Variants in ALK observed in about 807,000 individuals in gnomAD.
The protein encoded by ALK is ALK tyrosine kinase receptor.
Under a neutral mutation model 163.1 loss-of-function variants are expected in ALK, and 74 were observed. The observed-to-expected ratio is 0.45, with a 90% CI of 0.38 to 0.55. The LOEUF (loss-of-function observed/expected upper bound fraction) is 0.55. Ranked by LOEUF, ALK falls within the 20% of genes least tolerant of loss-of-function variation. ALK has a pLI of 0.00. For missense variants in ALK, 2,063 were observed against 2,105.3 expected (o/e 0.98, Z 0.39); for synonymous variants, 960 against 843.2 (o/e 1.14, Z -2.40).
intron 1 of ALK, among the ~76,000 whole-genome samples, chr2:29,869,699 A>T (rs1457887864): frequency 6.6e-6 from 1 of 152,222 alleles, no homozygotes; most frequent in Admixed American, 6.5e-5. Context: ...AGGCTTTCCA[A>T]ATATAAAAGC....
intron 11 of ALK, among the ~76,000 whole-genome samples, chr2:29,267,320 G>A (rs1017025916): frequency 1.3e-5 from 2 of 152,172 alleles, no homozygotes; most frequent in African/African-American, 2.4e-5. Context: ...GCAACCTTAC[G>A]AGAGACTATG....
chr2:29,421,699 G>A (rs576340538), intron 4 of ALK, among the ~76,000 whole-genome samples: 54 of 151,572 alleles, frequency 3.6e-4, no homozygotes, highest in Admixed American at 1.2e-3. Context: ...GCCTGTCTGC[G>A]TCCTGTATCT....
At chr2:29,440,715 C>G (rs1670520120) in intron 4 of ALK, among the ~76,000 whole-genome samples, 1 of 152,196 alleles carries the variant, frequency 6.6e-6, no homozygotes, top group Admixed American at 6.5e-5. Flanking sequence ...GGGCATGAAC[C>G]CTTGACAAGT....
chr2:29,920,731 A>G lies in ALK; in HGVS notation c.-72T>C. The G allele has an allele frequency of 1.5e-6, 2 of 1,379,230 alleles. No homozygotes were observed. The highest frequency in any genetic ancestry group is 2.5e-5 in the South Asian group (2 of 79,940). 85.4% of individuals were successfully genotyped at this position (1,379,230 alleles called of 1,614,324 possible). A position where few individuals can be genotyped will look rare whatever the true frequency, so the allele number is the denominator to read the frequency against. ...CCTTCGCTCTCCCCGAGATGGGAAG[A>G]GGCTCTGAACAGTCCTTGGTACCCA... On this transcript the variant is annotated 5_prime_UTR_variant, in exon 1 of 29. Coordinates refer to ENST00000389048, the MANE Select transcript of ALK (RefSeq NM_004304.5).
chr2:29,769,706 G>A (rs997363775), intron 1 of ALK, among the ~76,000 whole-genome samples: 5 of 152,144 alleles, frequency 3.3e-5, no homozygotes, highest in African/African-American at 7.2e-5. Context: ...TACAATGAAC[G>A]ATAACACAAA....
chr2:29,849,745 G>A (rs562858154), intron 1 of ALK, among the ~76,000 whole-genome samples: 2 of 152,200 alleles, frequency 1.3e-5, no homozygotes, highest in African/African-American at 2.4e-5. Flanking sequence ...TGGTTGCAGT[G>A]GTGTCCCTTA....
chr2:29,334,497 C>T (rs1667550340), intron 5 of ALK, among the ~76,000 whole-genome samples: 1 of 152,156 alleles, frequency 6.6e-6, no homozygotes. Flanking sequence ...TATGCGGCCT[C>T]CAAGGAGTGG....
chr2:29,328,599 C>T, intron 5 of ALK, 118 bp from the exon 6 acceptor site: 1 of 1,368,396 alleles, frequency 7.3e-7, no homozygotes, highest in Non-Finnish European at 1.0e-6. Context: ...CCCTGCCATT[C>T]ACACTCCAAG....
chr2:29,670,946 C>T (rs1266663205), intron 3 of ALK, among the ~76,000 whole-genome samples: 1 of 151,976 alleles, frequency 6.6e-6, no homozygotes, highest in African/African-American at 2.4e-5. Flanking sequence ...CTTTAAAATG[C>T]TATTTTTAAT....
At chr2:29,765,833 G>A (rs913091823) in intron 1 of ALK, among the ~76,000 whole-genome samples, 2 of 151,916 alleles carry the variant, frequency 1.3e-5, no homozygotes, top group Non-Finnish European at 2.9e-5. Flanking sequence ...GTAGTATTTG[G>A]CAATTTCCAT....
chr2:29,544,314 G>A (rs140230485), intron 3 of ALK, among the ~76,000 whole-genome samples: 17 of 152,288 alleles, frequency 1.1e-4, no homozygotes, highest in South Asian at 4.1e-4. Flanking sequence ...CTCTGTGGGC[G>A]AATGAGTCTG....
chr2:29,232,495 C>A, intron 14 of ALK, 47 bp from the exon 15 acceptor site: 1 of 1,612,250 alleles, frequency 6.2e-7, no homozygotes, highest in Non-Finnish European at 8.5e-7. Context: ...GCTGTGCTTC[C>A]CCCTGGAGCC....
chr2:29,697,836 T>C (rs1678617971), intron 2 of ALK, among the ~76,000 whole-genome samples: 1 of 152,154 alleles, frequency 6.6e-6, no homozygotes, highest in Non-Finnish European at 1.5e-5. Flanking sequence ...TGTTGGAAAT[T>C]TCAGAATACA....
intron 24 of ALK, 136 bp from the exon 25 acceptor site, chr2:29,210,014 A>G (rs964633616): frequency 1.4e-6 from 1 of 719,212 alleles, no homozygotes. Context: ...AGTATAGTAT[A>G]CTTCAGTGTG....
At chr2:29,883,783 A>G (rs1666923363) in intron 1 of ALK, among the ~76,000 whole-genome samples, 1 of 152,238 alleles carries the variant, frequency 6.6e-6, no homozygotes, top group African/African-American at 2.4e-5. Context: ...ATTTTTTTCA[A>G]TAAATATATT....
At chr2:29,536,838 G>A (rs1673270227) in intron 3 of ALK, among the ~76,000 whole-genome samples, 2 of 152,198 alleles carry the variant, frequency 1.3e-5, no homozygotes, top group Non-Finnish European at 2.9e-5. Context: ...CTGGAATAAA[G>A]GTAACCTGTG....
chr2:29,756,109 T>C (rs1680520313), intron 1 of ALK, among the ~76,000 whole-genome samples: 1 of 152,200 alleles, frequency 6.6e-6, no homozygotes, highest in African/African-American at 2.4e-5. Context: ...CACTCCTTTA[T>C]GCTCCTTGAA....
Position 29,193,410 on chromosome 2 carries a change from G to C in ALK, c.4677C>G (p.Pro1559=), listed in dbSNP as rs1425797886. 1.2e-6 allele frequency: 2 copies of C among 1,614,080 alleles called. No individual in the cohort carries two copies. Among genetic ancestry groups the C allele is most frequent in the African/African-American group, 2.7e-5 (2 of 74,928 alleles). The change falls in exon 29 of 29, where the codon CCC becomes CCG. Residue 1559 remains proline (P), a synonymous_variant. Transcript: ENST00000389048. ...RLPGASLLLE[P]SSLTANMKEV... ...CCTTCATATTGGCAGTCAGCGAAGA[G>C]GGCTCTAGGAGCAGTGAGGCCCCCG... is the stretch of plus-strand genomic sequence containing the variant.
chr2:29,288,966 ATAAAT>A lies in ALK; in HGVS notation c.1817+7917_1817+7921del, dbSNP rs1558654928. 2.0e-4 allele frequency among the ~76,000 whole-genome samples: 24 copies of A among 120,312 alleles called. 1 individual carries two copies. Among genetic ancestry groups the A allele is most frequent in the Middle Eastern group, 4.7e-3 (1 of 214 alleles). The allele number at this position is 120,312 out of a possible 152,430, so 78.9% of individuals were successfully genotyped here. ...GACTCCTTCTCAAAAAAATAAATAAATAAATAAATAAATAAATAAATAAATAAATA... is the reference window on the plus strand; with the variant it reads ...GACTCCTTCTCAAAAAAATAAATAAAAAATAAATAAATAAATAAATAAATA... On this transcript the variant is annotated intron_variant, in intron 9 of 28. Coordinates refer to ENST00000389048, the MANE Select transcript of ALK (RefSeq NM_004304.5).
Sources: gnomAD v4.1 joint callset for allele counts (sites outside exome capture counted in the v4.1 genomes callset) on GRCh38, gnomAD v4.1.1 for gene constraint, MANE v1.5 for transcripts, NCBI Gene and HGNC (gene_info 2026-07-23, HGNC 2026-07-21) for gene names.